The following SLC6A17 variants were observed in gnomAD, a reference collection of about 807,000 sequenced individuals.
SLC6A17 encodes the protein sodium-dependent neutral amino acid transporter SLC6A17.
Under a neutral mutation model 64.5 loss-of-function variants are expected in SLC6A17, and 21 were observed. That is an observed-to-expected ratio of 0.33 (90% CI 0.23 to 0.47). The LOEUF (loss-of-function observed/expected upper bound fraction) is 0.47, where lower values mean the gene tolerates loss of function less well. Ranked by LOEUF, SLC6A17 falls within the 20% of genes least tolerant of loss-of-function variation. The pLI is 1.00. For synonymous variants in SLC6A17, 372 were observed against 399.5 expected (o/e 0.93, Z 0.82); for missense variants, 682 against 963.2 (o/e 0.71, Z 3.86).
chr1:110,164,834 C>G (rs781550201), intron 1 of SLC6A17, among the ~76,000 whole-genome samples: 1 of 152,216 alleles, frequency 6.6e-6, no homozygotes, highest in Non-Finnish European at 1.5e-5. Context: ...TATGGAGAAA[C>G]ATGTGCTCCA....
chr1:110,193,949 G>T (rs966367071), intron 8 of SLC6A17, among the ~76,000 whole-genome samples: 1 of 152,202 alleles, frequency 6.6e-6, no homozygotes, highest in Admixed American at 6.5e-5. Context: ...AAGTGACAGG[G>T]GGCAGTGTGT....
chr1:110,176,860 AC>A, intron 6 of SLC6A17, 121 bp downstream of exon 6: 5 of 877,352 alleles, frequency 5.7e-6, no homozygotes, highest in Non-Finnish European at 8.9e-6. Flanking sequence ...TGGGTATCGT[AC>A]CAGGCCCTGG....
In SLC6A17 at chr1:110,200,358, A is replaced by C; in HGVS notation, c.*1914A>C. On this transcript the variant is annotated 3_prime_UTR_variant, in exon 12 of 12. Coordinates refer to ENST00000331565, the MANE Select transcript of SLC6A17 (RefSeq NM_001010898.4). ...AAGAGATGAGCTTTTGGGGCACAAC[A>C]TCCCACCGCAGTCCCCCTCACCCGA... The C allele has an allele frequency of 5.7e-6, 2 of 353,488 alleles. No homozygotes were observed. The allele number at this position is 353,488 out of a possible 1,614,324, so 21.9% of individuals were successfully genotyped here. A position where few individuals can be genotyped will look rare whatever the true frequency, so the allele number is the denominator to read the frequency against.
chr1:110,176,623 C>T lies in SLC6A17; in HGVS notation c.754-6C>T. 2 of 1,613,896 alleles carry T rather than the reference C, an allele frequency of 1.2e-6. No homozygotes were observed. Among genetic ancestry groups the T allele is most frequent in the Non-Finnish European group, 1.7e-6 (2 of 1,179,778 alleles). ...GCCTGATGGGGGTTCCCTGTCCTCT[C>T]TGCAGGTGATGTATTTCAGCTCCCT... On this transcript the variant is annotated splice_region_variant and splice_polypyrimidine_tract_variant and intron_variant, in intron 5 of 11. Coordinates refer to ENST00000331565, the MANE Select transcript of SLC6A17 (RefSeq NM_001010898.4).
chr1:110,172,035 T>G (rs773260864), intron 2 of SLC6A17, 25 bp from the exon 3 acceptor site: 8 of 1,612,066 alleles, frequency 5.0e-6, no homozygotes. Context: ...AGAGCCCCTC[T>G]GCCATCCCTC....
chr1:110,158,896 T>C (rs1655828045), intron 1 of SLC6A17, among the ~76,000 whole-genome samples: 1 of 152,212 alleles, frequency 6.6e-6, no homozygotes, highest in African/African-American at 2.4e-5. Context: ...TCAAAATGGC[T>C]GTGGGTCTAT....
chr1:110,156,855 G>A (rs1281918722), intron 1 of SLC6A17, among the ~76,000 whole-genome samples: 1 of 152,180 alleles, frequency 6.6e-6, no homozygotes, highest in Non-Finnish European at 1.5e-5. Flanking sequence ...CTCTTCAGCA[G>A]TCCGTTTGGT....
chr1:110,191,415 G>T (rs191138365), intron 6 of SLC6A17, among the ~76,000 whole-genome samples: 1 of 152,344 alleles, frequency 6.6e-6, no homozygotes, highest in East Asian at 1.9e-4. Context: ...TCCAGGAATT[G>T]TCTAGGTTCT....
At chr1:110,181,917 T>C (rs1047433578) in intron 6 of SLC6A17, among the ~76,000 whole-genome samples, 2 of 152,176 alleles carry the variant, frequency 1.3e-5, no homozygotes, top group Admixed American at 6.5e-5. Context: ...ATGAGGGTCC[T>C]GTGGTTAAGG....
intron 1 of SLC6A17, among the ~76,000 whole-genome samples, chr1:110,165,714 C>G (rs1421740078): frequency 6.6e-6 from 1 of 152,212 alleles, no homozygotes; most frequent in African/African-American, 2.4e-5. Context: ...TGCACAGCAG[C>G]CTTGCCTGTG....
intron 6 of SLC6A17, chr1:110,178,863 C>T (rs1198245706): frequency 6.6e-6 from 1 of 152,192 alleles, no homozygotes; most frequent in Admixed American, 6.5e-5. Context: ...TAGGTTCTGT[C>T]ATGGGAATTT....
chr1:110,197,288 C>G, intron 10 of SLC6A17, 149 bp from the exon 11 acceptor site: 1 of 1,083,750 alleles, frequency 9.2e-7, no homozygotes, highest in South Asian at 1.6e-5. Flanking sequence ...CCAGCCAGAC[C>G]ACACACAATG....
chr1:110,196,991 C>T lies in SLC6A17; in HGVS notation c.1653-446C>T, dbSNP rs568666432. 3.9e-5 allele frequency among the ~76,000 whole-genome samples: 6 copies of T among 152,336 alleles called. No homozygotes were observed. In the South Asian group the frequency reaches 1.2e-3, roughly 32 times the overall value. ...GCCATTCAAGCACAAGCCTGCCTGC[C>T]TTCCAGAATTCTGCTCACCCCTTGG... On this transcript the variant is annotated intron_variant, in intron 10 of 11. Coordinates refer to ENST00000331565, the MANE Select transcript of SLC6A17 (RefSeq NM_001010898.4).
chr1:110,156,267 T>C (rs1344859360), intron 1 of SLC6A17, among the ~76,000 whole-genome samples: 1 of 152,190 alleles, frequency 6.6e-6, no homozygotes, highest in Non-Finnish European at 1.5e-5. Context: ...GGAGAAATGG[T>C]GGTAGATGAG....
At chr1:110,171,293 G>A (rs2101846210) in intron 2 of SLC6A17, among the ~76,000 whole-genome samples, 1 of 152,298 alleles carries the variant, frequency 6.6e-6, no homozygotes, top group Admixed American at 6.5e-5. Context: ...TCAGCAGGGT[G>A]CACTCATCTG....
chr1:110,180,949 A>G (rs972540034), intron 6 of SLC6A17, among the ~76,000 whole-genome samples: 2 of 152,078 alleles, frequency 1.3e-5, no homozygotes, highest in Middle Eastern at 3.2e-3. Flanking sequence ...AACATCAGAA[A>G]TAATTCAGGC....
intron 6 of SLC6A17, among the ~76,000 whole-genome samples, chr1:110,189,506 T>C (rs957912256): frequency 5.9e-5 from 9 of 152,190 alleles, no homozygotes; most frequent in Admixed American, 5.9e-4. Flanking sequence ...CAGAAGCCGC[T>C]TCCTCGAAGG....
At chr1:110,153,541 G>A (rs1216284554) in intron 1 of SLC6A17, among the ~76,000 whole-genome samples, 1 of 151,832 alleles carries the variant, frequency 6.6e-6, no homozygotes, top group Non-Finnish European at 1.5e-5. Flanking sequence ...GTGTGTGTGT[G>A]TGTGTGTGTG....
intron 3 of SLC6A17, 75 bp from the exon 4 acceptor site, chr1:110,173,894 TGCTG>T: frequency 6.6e-7 from 1 of 1,508,852 alleles, no homozygotes; most frequent in Admixed American, 2.1e-5. Flanking sequence ...GCTGCCGACG[TGCTG>T]GGCCTCGGGT....
Sources: allele counts gnomAD v4.1 joint callset (sites outside exome capture counted in the v4.1 genomes callset), GRCh38; gene constraint gnomAD v4.1.1; transcripts MANE v1.5; gene names NCBI Gene and HGNC (gene_info 2026-07-23, HGNC 2026-07-21).